The following CLSTN2 variants were observed in gnomAD, a reference collection of about 807,000 sequenced individuals.
CLSTN2 encodes calsyntenin 2.
A neutral mutation model predicts 101.2 loss-of-function variants in CLSTN2; 48 were observed. The observed-to-expected ratio is 0.47, with a 90% CI of 0.38 to 0.60. The LOEUF is 0.60. CLSTN2 is among the 20% of genes least tolerant of loss of function. The probability of loss-of-function intolerance (pLI) is 0.00; values close to 1 mark genes in which losing one functional copy is unlikely to be tolerated. For missense variants in CLSTN2, 1,160 were observed against 1,238.2 expected (o/e 0.94, Z 0.95); for synonymous variants, 481 against 463.6 (o/e 1.04, Z -0.48).
At chr3:140,355,472 C>T (rs1297661598) in intron 2 of CLSTN2, among the ~76,000 whole-genome samples, 1 of 152,166 alleles carries the variant, frequency 6.6e-6, no homozygotes, top group East Asian at 1.9e-4. Flanking sequence ...GGAAGTTGCT[C>T]AGTAAATACG....
At chr3:140,289,510 C>A (rs2086929584) in intron 2 of CLSTN2, among the ~76,000 whole-genome samples, 1 of 152,120 alleles carries the variant, frequency 6.6e-6, no homozygotes, top group South Asian at 2.1e-4. Flanking sequence ...AGCACCATAG[C>A]CTAATTCCAT....
At chr3:140,518,074 G>T (rs950331569) in intron 8 of CLSTN2, among the ~76,000 whole-genome samples, 9 of 152,102 alleles carry the variant, frequency 5.9e-5, no homozygotes, top group South Asian at 2.1e-4. Context: ...CACCAGAGAA[G>T]TAGGGAAAAG....
intron 2 of CLSTN2, among the ~76,000 whole-genome samples, chr3:140,177,186 A>G (rs892242125): frequency 1.3e-5 from 2 of 152,240 alleles, no homozygotes; most frequent in Non-Finnish European, 2.9e-5. Flanking sequence ...GAAAACCACT[A>G]AGGGTACCTG....
intron 1 of CLSTN2, among the ~76,000 whole-genome samples, chr3:139,938,572 A>G (rs1480729223): frequency 6.6e-6 from 1 of 152,234 alleles, no homozygotes; most frequent in Non-Finnish European, 1.5e-5. Context: ...CTTGGATTCC[A>G]TGAAGAGACC....
At chr3:139,983,238 A>G (rs555278305) in intron 1 of CLSTN2, among the ~76,000 whole-genome samples, 3 of 152,184 alleles carry the variant, frequency 2.0e-5, no homozygotes, top group African/African-American at 7.2e-5. Flanking sequence ...ACCTTTAATA[A>G]TTTCCACTCT....
At chr3:140,003,127 G>A (rs1010963586) in intron 1 of CLSTN2, among the ~76,000 whole-genome samples, 5 of 152,130 alleles carry the variant, frequency 3.3e-5, no homozygotes, top group African/African-American at 9.7e-5. Context: ...GATAGGAATT[G>A]CATTGAATTT....
intron 10 of CLSTN2, among the ~76,000 whole-genome samples, chr3:140,548,068 A>G (rs1935634194): frequency 6.6e-6 from 1 of 152,218 alleles, no homozygotes; most frequent in South Asian, 2.1e-4. Context: ...TCCAGTAGAA[A>G]TTTCCAGATC....
At chr3:140,385,357 C>CTTTTTTTTT (rs546696189) in intron 2 of CLSTN2, among the ~76,000 whole-genome samples, 6 of 72,834 alleles carry the variant, frequency 8.2e-5, no homozygotes, top group African/African-American at 2.6e-4. Flanking sequence ...CCCTGATGTT[C>CTTTTTTTTT]TTTTTTTTTT....
chr3:139,976,549 C>G (rs183586789), intron 1 of CLSTN2, among the ~76,000 whole-genome samples: 6 of 152,264 alleles, frequency 3.9e-5, no homozygotes, highest in African/African-American at 1.4e-4. Flanking sequence ...AGTGGTAGAG[C>G]CAGGATTCAA....
At position 140,563,991 on chromosome 3, in the gene CLSTN2, T is replaced by C; in HGVS notation, c.2513T>C (p.Ile838Thr). 1 of 1,614,174 alleles carries C rather than the reference T, an allele frequency of 6.2e-7. No homozygotes were observed. The highest frequency in any genetic ancestry group is 8.5e-7 in the Non-Finnish European group (1 of 1,180,012). ...CCAAGCATTGCCACAGTGGTCATCA[T>C]CATCTCCGTGTGCATGCTTGTGTTT... is the stretch of plus-strand genomic sequence containing the variant. ...VVPSIATVVI[I>T]ISVCMLVFVV... is the part of the protein sequence containing the mutation. Residue 838 changes from isoleucine (I) to threonine (T), a missense_variant, in exon 16 of 17, where the codon ATC (isoleucine) becomes ACC (threonine). Ile to Thr is a moderately conservative substitution (Grantham distance 89). Coordinates refer to ENST00000458420, the MANE Select transcript of CLSTN2 (RefSeq NM_022131.3).
intron 2 of CLSTN2, among the ~76,000 whole-genome samples, chr3:140,230,302 A>G (rs2086359314): frequency 1.3e-5 from 2 of 152,216 alleles, no homozygotes; most frequent in African/African-American, 4.8e-5. Context: ...ATAGCATCAT[A>G]AGAGCAAAGG....
intron 2 of CLSTN2, among the ~76,000 whole-genome samples, chr3:140,380,104 A>G (rs888794889): frequency 6.6e-6 from 1 of 152,164 alleles, no homozygotes; most frequent in African/African-American, 2.4e-5. Flanking sequence ...TTGGAATAAG[A>G]GCCATCTCAT....
intron 1 of CLSTN2, among the ~76,000 whole-genome samples, chr3:140,171,616 ATTATATAATATGTATTATATATT>A (rs2010214341): frequency 7.5e-6 from 1 of 132,910 alleles, no homozygotes; most frequent in African/African-American, 2.9e-5. Flanking sequence ...TGCATTATAT[ATTATATAATATGTATTATATATT>A]ATATATAATA....
chr3:140,448,471 GAA>G, intron 5 of CLSTN2, 46 bp from the exon 6 acceptor site: 1 of 1,487,186 alleles, frequency 6.7e-7, no homozygotes, highest in East Asian at 2.3e-5. Context: ...TGTTCCAGCA[GAA>G]CTGACTGCAC....
At chr3:140,406,795 T>C (rs986044583) in intron 4 of CLSTN2, among the ~76,000 whole-genome samples, 7 of 152,272 alleles carry the variant, frequency 4.6e-5, no homozygotes, top group Admixed American at 4.6e-4. Flanking sequence ...TGGAGGTATC[T>C]GTGCTCAGTG....
chr3:140,203,689 G>T (rs4594581), intron 2 of CLSTN2, among the ~76,000 whole-genome samples: 42,235 of 151,818 alleles, frequency 0.28, 7,044 homozygotes, highest in Middle Eastern at 0.38. Flanking sequence ...ATTTGTTAGG[G>T]AGCCTGACAG....
chr3:140,447,930 A>G (rs556739373), intron 5 of CLSTN2, among the ~76,000 whole-genome samples: 1 of 152,368 alleles, frequency 6.6e-6, no homozygotes, highest in African/African-American at 2.4e-5. Flanking sequence ...TTGCCTCCCC[A>G]GGTACTGAAA....
At chr3:140,517,338 G>C (rs1024627476) in intron 8 of CLSTN2, among the ~76,000 whole-genome samples, 1 of 152,058 alleles carries the variant, frequency 6.6e-6, no homozygotes, top group Non-Finnish European at 1.5e-5. Context: ...TTTCTTCTTG[G>C]TTTGGGTCCA....
At chr3:140,484,147 C>A (rs1056456253) in intron 8 of CLSTN2, among the ~76,000 whole-genome samples, 1 of 152,084 alleles carries the variant, frequency 6.6e-6, no homozygotes, top group African/African-American at 2.4e-5. Context: ...AGCTCTTTTA[C>A]GGCAGGCCTG....
Sources: gnomAD v4.1 joint callset for allele counts (sites outside exome capture counted in the v4.1 genomes callset) on GRCh38, gnomAD v4.1.1 for gene constraint, MANE v1.5 for transcripts, NCBI Gene and HGNC (gene_info 2026-07-23, HGNC 2026-07-21) for gene names.